Variants in CCSER1 observed in about 807,000 individuals in gnomAD.
CCSER1 encodes the protein serine-rich coiled-coil domain-containing protein 1.
Under a neutral mutation model 82.0 loss-of-function variants are expected in CCSER1, and 41 were observed. The observed-to-expected ratio is 0.50, with a 90% CI of 0.39 to 0.65. CCSER1 has a LOEUF of 0.65. Among genes scored for constraint, CCSER1 ranks in the 30% least tolerant of loss-of-function variants. The pLI is 0.00. For synonymous variants in CCSER1, 414 were observed against 383.9 expected, an observed-to-expected ratio of 1.08 and a Z score of -0.92; for missense variants, 1,119 against 1,064.2, an observed-to-expected ratio of 1.05 and a Z score of -0.72.
At chr4:90,545,488 A>G (rs1450517328) in intron 5 of CCSER1, among the ~76,000 whole-genome samples, 5 of 152,134 alleles carry the variant, frequency 3.3e-5, no homozygotes, top group Admixed American at 6.6e-5. Flanking sequence ...GCTGAGAGTG[A>G]CAGTCTCCTC....
At chr4:90,650,904 C>G (rs988439571) in intron 6 of CCSER1, among the ~76,000 whole-genome samples, 1 of 152,162 alleles carries the variant, frequency 6.6e-6, no homozygotes, top group Non-Finnish European at 1.5e-5. Context: ...AACTAAGAAG[C>G]AGTATTGCAA....
intron 5 of CCSER1, among the ~76,000 whole-genome samples, chr4:90,589,232 GA>G (rs1343374915): frequency 6.6e-6 from 1 of 152,042 alleles, no homozygotes; most frequent in African/African-American, 2.4e-5. Context: ...AAGTCTGAAG[GA>G]TTTTTTTGGG....
chr4:90,188,093 C>T (rs1441886230), intron 1 of CCSER1, among the ~76,000 whole-genome samples: 2 of 151,846 alleles, frequency 1.3e-5, no homozygotes, highest in East Asian at 1.9e-4. Context: ...GCAAAAGAAA[C>T]GTGTTTAAAC....
At chr4:91,532,177 G>A (rs1761066972) in intron 10 of CCSER1, among the ~76,000 whole-genome samples, 1 of 152,138 alleles carries the variant, frequency 6.6e-6, no homozygotes, top group African/African-American at 2.4e-5. Context: ...AGATATCACT[G>A]GTCTTCATAT....
intron 4 of CCSER1, among the ~76,000 whole-genome samples, chr4:90,421,612 TGAAG>T (rs34555336): frequency 0.019 from 2,894 of 152,314 alleles, 41 homozygotes; most frequent in African/African-American, 0.04. Context: ...ATGTTTCAAT[TGAAG>T]GGTTTGTTTG....
At chr4:91,443,177 T>C (rs1755308491) in intron 10 of CCSER1, among the ~76,000 whole-genome samples, 2 of 152,074 alleles carry the variant, frequency 1.3e-5, no homozygotes, top group Non-Finnish European at 2.9e-5. Flanking sequence ...TGCACACATA[T>C]GTTTATTGCG....
At chr4:91,571,740 G>T (rs114489853) in intron 10 of CCSER1, among the ~76,000 whole-genome samples, 2,547 of 152,172 alleles carry the variant, frequency 0.017, 28 homozygotes, top group Non-Finnish European at 0.029. Context: ...TATATCAGGG[G>T]TCCATCCCAC....
intron 1 of CCSER1, among the ~76,000 whole-genome samples, chr4:90,220,442 A>G (rs1246496503): frequency 1.3e-5 from 2 of 151,270 alleles, no homozygotes; most frequent in Non-Finnish European, 2.9e-5. Flanking sequence ...GCACATGAAT[A>G]TATATTTCTT....
At chr4:90,532,109 T>C (rs191552293) in intron 5 of CCSER1, among the ~76,000 whole-genome samples, 5 of 152,266 alleles carry the variant, frequency 3.3e-5, no homozygotes, top group Admixed American at 3.3e-4. Context: ...AGCTATATAG[T>C]ATCTTTATAA....
intron 3 of CCSER1, among the ~76,000 whole-genome samples, chr4:90,336,796 A>G (rs1326794012): frequency 6.6e-6 from 1 of 152,228 alleles, no homozygotes; most frequent in Non-Finnish European, 1.5e-5. Flanking sequence ...TTTATAAAGC[A>G]AGGGAATTCA....
intron 5 of CCSER1, among the ~76,000 whole-genome samples, chr4:90,525,628 T>C (rs574229244): frequency 1.3e-5 from 2 of 152,244 alleles, no homozygotes; most frequent in East Asian, 1.9e-4. Context: ...GCCTTCCTAC[T>C]ATTATTTTCA....
intron 10 of CCSER1, among the ~76,000 whole-genome samples, chr4:91,352,818 T>C (rs1358248273): frequency 6.6e-6 from 1 of 152,192 alleles, no homozygotes; most frequent in Non-Finnish European, 1.5e-5. Context: ...CTTCTGGCCA[T>C]TGGAGACACA....
chr4:90,379,036 A>C (rs556482315), intron 3 of CCSER1, among the ~76,000 whole-genome samples: 189 of 152,338 alleles, frequency 1.2e-3, no homozygotes, highest in Non-Finnish European at 1.5e-3. Flanking sequence ...AGCATATCAG[A>C]TAAGAGCGAA....
rs201780697 is a variant in CCSER1, at chr4:90,837,630, TA to T, written c.2094+21792del. Among the ~76,000 whole-genome samples the T allele has an allele frequency of 6.0e-3, 908 of 152,190 alleles. 6 individuals carry two copies. Among genetic ancestry groups the T allele is most frequent in the African/African-American group, 0.02 (851 of 41,534 alleles). On this transcript the variant is annotated intron_variant, in intron 8 of 10. Transcript: ENST00000509176. The stretch of plus-strand genomic sequence containing the variant: ...TTGATTATACTATGTAAAATAAGTA[TA>T]AAAAAATCATGAGACAGCAGTGTAA...
At chr4:91,300,945 G>A (rs1744617901) in intron 10 of CCSER1, among the ~76,000 whole-genome samples, 1 of 151,846 alleles carries the variant, frequency 6.6e-6, no homozygotes, top group Non-Finnish European at 1.5e-5. Flanking sequence ...AGTCATTAGG[G>A]AGGTTTTTAA....
chr4:91,124,312 G>T (rs917770078), intron 10 of CCSER1, among the ~76,000 whole-genome samples: 2 of 151,748 alleles, frequency 1.3e-5, no homozygotes, highest in African/African-American at 4.8e-5. Flanking sequence ...GAGAAATTCT[G>T]CATTATATTA....
intron 7 of CCSER1, among the ~76,000 whole-genome samples, chr4:90,798,720 C>T (rs898462784): frequency 6.6e-6 from 1 of 152,170 alleles, no homozygotes; most frequent in Non-Finnish European, 1.5e-5. Flanking sequence ...ATTCAACTGA[C>T]TGGCTTTGTT....
At chr4:90,318,345 A>C (rs1418100116) in intron 3 of CCSER1, among the ~76,000 whole-genome samples, 2 of 152,152 alleles carry the variant, frequency 1.3e-5, no homozygotes, top group African/African-American at 4.8e-5. Context: ...TGAAGGTTGC[A>C]TTATCTTCAG....
rs375044289 is a variant in CCSER1 at position 91,117,869 on chromosome 4, T to C, written c.2217+31875T>C. ...ATTCATTTGTAAACACTGGAAAATA[T>C]TATCCCTTACTTTAATCATCCTTTT... is the stretch of plus-strand genomic sequence containing the variant. On this transcript the variant is annotated intron_variant, in intron 10 of 10. Transcript: ENST00000509176. Among the ~76,000 whole-genome samples, 626 of 152,280 alleles carry C rather than the reference T, an allele frequency of 4.1e-3. 4 individuals are homozygous for C. Among genetic ancestry groups the C allele is most frequent in the African/African-American group, 0.014 (588 of 41,562 alleles).
Sources: gnomAD v4.1 joint callset for allele counts (sites outside exome capture counted in the v4.1 genomes callset) on GRCh38, gnomAD v4.1.1 for gene constraint, MANE v1.5 for transcripts, NCBI Gene and HGNC (gene_info 2026-07-23, HGNC 2026-07-21) for gene names.